The following GRK5 variants were observed in gnomAD, a reference collection of about 807,000 sequenced individuals.
The protein encoded by GRK5 is G protein-coupled receptor kinase 5.
GRK5 carries 40 observed loss-of-function variants against 78.4 expected under a neutral mutation model. The ratio of observed to expected loss-of-function variants is 0.51; its 90% CI spans 0.40 to 0.66. The LOEUF (loss-of-function observed/expected upper bound fraction) is 0.66. GRK5 is among the 30% of genes least tolerant of loss of function. The probability of loss-of-function intolerance (pLI) is 0.00; values close to 1 mark genes in which losing one functional copy is unlikely to be tolerated. For missense variants in GRK5, 598 were observed against 759.9 expected, an observed-to-expected ratio of 0.79 and a Z score of 2.50; for synonymous variants, 289 against 296.8, an observed-to-expected ratio of 0.97 and a Z score of 0.27.
intron 3 of GRK5, among the ~76,000 whole-genome samples, chr10:119,391,656 C>T (rs946031995): frequency 1.3e-5 from 2 of 152,162 alleles, no homozygotes; most frequent in African/African-American, 4.8e-5. Flanking sequence ...ACGGAGCCAG[C>T]AGAAAACCAC....
At chr10:119,363,300 A>G (rs1017306150) in intron 2 of GRK5, among the ~76,000 whole-genome samples, 1 of 151,970 alleles carries the variant, frequency 6.6e-6, no homozygotes, top group Non-Finnish European at 1.5e-5. Context: ...AAAAACAACA[A>G]ACAGTAGTTT....
At chr10:119,450,935 G>T (rs1853269140) in intron 13 of GRK5, among the ~76,000 whole-genome samples, 1 of 150,962 alleles carries the variant, frequency 6.6e-6, no homozygotes, top group African/African-American at 2.4e-5. Context: ...TCCCCAGGCT[G>T]CACGCCAACC....
At chr10:119,426,819 A>G (rs901109982) in intron 6 of GRK5, among the ~76,000 whole-genome samples, 3 of 151,874 alleles carry the variant, frequency 2.0e-5, no homozygotes, top group Non-Finnish European at 4.4e-5. Flanking sequence ...CACCACCATC[A>G]TCAGCATCAT....
At chr10:119,335,698 A>G (rs1850873376) in intron 2 of GRK5, among the ~76,000 whole-genome samples, 1 of 152,190 alleles carries the variant, frequency 6.6e-6, no homozygotes, top group African/African-American at 2.4e-5. Context: ...TGGCTAACAG[A>G]TACTTGTTAA....
At chr10:119,350,351 C>T (rs1190386161) in intron 2 of GRK5, among the ~76,000 whole-genome samples, 1 of 152,214 alleles carries the variant, frequency 6.6e-6, no homozygotes, top group Non-Finnish European at 1.5e-5. Flanking sequence ...ATGAACTTGC[C>T]AAATAAAACA....
intron 2 of GRK5, among the ~76,000 whole-genome samples, chr10:119,330,773 C>T (rs1307096493): frequency 1.3e-5 from 2 of 152,140 alleles, no homozygotes; most frequent in Non-Finnish European, 2.9e-5. Context: ...GTAATCCCAG[C>T]ACTTTGGGAG....
intron 1 of GRK5, among the ~76,000 whole-genome samples, chr10:119,242,132 A>G (rs1178000889): frequency 6.6e-6 from 1 of 152,144 alleles, no homozygotes; most frequent in Non-Finnish European, 1.5e-5. Flanking sequence ...GCAGAGAGCT[A>G]ATTGCCTTCA....
intron 3 of GRK5, among the ~76,000 whole-genome samples, chr10:119,393,875 T>A (rs991537646): frequency 6.6e-6 from 1 of 152,030 alleles, no homozygotes; most frequent in Non-Finnish European, 1.5e-5. Flanking sequence ...TGTGTCTGTG[T>A]GTGGGTGTCT....
At chr10:119,384,695 T>C (rs1455859449) in intron 3 of GRK5, among the ~76,000 whole-genome samples, 3 of 121,102 alleles carry the variant, frequency 2.5e-5, no homozygotes, top group Non-Finnish European at 5.8e-5. Flanking sequence ...AACAGTTGAG[T>C]GATGCTCAGA....
chr10:119,250,356 G>C (rs1162235496), intron 1 of GRK5, among the ~76,000 whole-genome samples: 1 of 152,054 alleles, frequency 6.6e-6, no homozygotes, highest in African/African-American at 2.4e-5. Flanking sequence ...TTCCAGGAAG[G>C]ATAAGGCAAC....
intron 2 of GRK5, among the ~76,000 whole-genome samples, chr10:119,365,897 A>T (rs952807969): frequency 2.4e-4 from 36 of 152,358 alleles, no homozygotes; most frequent in African/African-American, 8.2e-4. Context: ...CAAGTATGTT[A>T]TGATGCAGCC....
chr10:119,286,167 TTC>T (rs1265939405), intron 1 of GRK5, among the ~76,000 whole-genome samples: 3 of 152,328 alleles, frequency 2.0e-5, no homozygotes, highest in African/African-American at 7.2e-5. Flanking sequence ...TATGAAGCGT[TTC>T]AAATGTACTC....
intron 1 of GRK5, among the ~76,000 whole-genome samples, chr10:119,290,356 A>AC (rs1177139284): frequency 1.4e-5 from 2 of 144,940 alleles, no homozygotes; most frequent in Non-Finnish European, 3.0e-5. Flanking sequence ...CAAAAAAAAA[A>AC]AAAAAAACAA....
At chr10:119,313,230 A>ATGGTGGCTGTGGTGATGGTGATGG (rs1850423164) in intron 1 of GRK5, among the ~76,000 whole-genome samples, 1 of 121,236 alleles carries the variant, frequency 8.2e-6, no homozygotes. Context: ...GACGGTAGTG[A>ATGGTGGCTGTGGTGATGGTGATGG]TGATGGTGGT....
chr10:119,305,486 G>A (rs1850259300), intron 1 of GRK5, among the ~76,000 whole-genome samples: 1 of 152,186 alleles, frequency 6.6e-6, no homozygotes, highest in South Asian at 2.1e-4. Flanking sequence ...CCCCATAAAG[G>A]CATAAGTGAA....
rs12256069 is a variant in GRK5 at position 119,267,729 on chromosome 10, C to T, written c.53-58787C>T. ...GGAGGCAGCTTAGGTGACCTCTGCA[C>T]GTGTTTTCAAAGCTGTGGTTTTGGT... On this transcript the variant is annotated intron_variant, in intron 1 of 15. Transcript: ENST00000392870. The surrounding 1 kb of genome is among the most constrained non-coding windows in gnomAD (Gnocchi z 4.1). Among the ~76,000 whole-genome samples the T allele has an allele frequency of 0.012, 1,808 of 152,304 alleles. 28 individuals are homozygous for T. Among genetic ancestry groups the T allele is most frequent in the African/African-American group, 0.042 (1,750 of 41,548 alleles).
At chr10:119,406,862 A>G (rs1340384693) in intron 4 of GRK5, among the ~76,000 whole-genome samples, 3 of 152,220 alleles carry the variant, frequency 2.0e-5, no homozygotes, top group Non-Finnish European at 4.4e-5. Context: ...TTCACAAATC[A>G]AGCCACATGT....
intron 2 of GRK5, among the ~76,000 whole-genome samples, chr10:119,344,186 A>C (rs1177698690): frequency 1.4e-5 from 2 of 140,734 alleles, no homozygotes; most frequent in African/African-American, 5.3e-5. Flanking sequence ...TTTTATATTT[A>C]TTTTTGATTA....
In GRK5 at chr10:119,326,558, A is replaced by G; in HGVS notation, c.95A>G (p.Glu32Gly). Reference sequence around the variant, plus strand: ...AAAGGGAAAAGCAAGAAGTGGAAAGAAATCCTGAAGTTCCCTCACATTAGC... The same window carrying G: ...AAAGGGAAAAGCAAGAAGTGGAAAGGAATCCTGAAGTTCCCTCACATTAGC... ...KRKGKSKKWK[E>G]ILKFPHISQC... is the part of the protein sequence containing the mutation. Residue 32 changes from glutamate (E) to glycine (G), a missense_variant, in exon 2 of 16, where the codon GAA (glutamate) becomes GGA (glycine). By Grantham distance (98) the Glu-to-Gly change is moderately conservative. Transcript: ENST00000392870. The G allele has an allele frequency of 6.2e-7, 1 of 1,614,200 alleles. No individual in the cohort carries two copies. The highest frequency in any genetic ancestry group is 8.5e-7 in the Non-Finnish European group (1 of 1,180,010).
Sources: gnomAD v4.1 joint callset for allele counts (sites outside exome capture counted in the v4.1 genomes callset) on GRCh38, gnomAD v4.1.1 for gene constraint, Gnocchi (gnomAD v3.1) non-coding constraint, MANE v1.5 for transcripts, NCBI Gene and HGNC (gene_info 2026-07-23, HGNC 2026-07-21) for gene names.